PCDHGA2: variants seen among roughly 807,000 people sequenced by gnomAD.
The protein encoded by PCDHGA2 is protocadherin gamma subfamily A, 2.
PCDHGA2 carries 40 observed loss-of-function variants against 59.2 expected under a neutral mutation model. The ratio of observed to expected loss-of-function variants is 0.68; its 90% confidence interval spans 0.52 to 0.88. The LOEUF is 0.88. Ranked by LOEUF, PCDHGA2 falls within the 40% of genes least tolerant of loss-of-function variation. The probability of loss-of-function intolerance (pLI) is 0.00; values close to 1 mark genes in which losing one functional copy is unlikely to be tolerated. For synonymous variants in PCDHGA2, 560 were observed against 526.0 expected, an observed-to-expected ratio of 1.06 and a Z score of -0.89; for missense variants, 1,226 against 1,204.0, an observed-to-expected ratio of 1.02 and a Z score of -0.27.
At chr5:141,418,878 A>G (rs1193526475) in intron 1 of PCDHGA2, 2 of 1,613,930 alleles carry the variant, frequency 1.2e-6, no homozygotes, top group Non-Finnish European at 8.5e-7. Context: ...GTTGTAGACG[A>G]AAACGACAAC....
chr5:141,408,345 G>A (rs370026579), intron 1 of PCDHGA2: 3 of 1,613,812 alleles, frequency 1.9e-6, no homozygotes, highest in Non-Finnish European at 2.5e-6. Context: ...TCGGTGGTGG[G>A]GAACCTCGCT....
At chr5:141,374,919 A>G in intron 1 of PCDHGA2, 2 of 1,613,932 alleles carry the variant, frequency 1.2e-6, no homozygotes, top group Non-Finnish European at 1.7e-6. Flanking sequence ...GAAGTAACTT[A>G]TTCCTTTGTG....
chr5:141,361,369 C>G (rs768974376), intron 1 of PCDHGA2: 3 of 1,613,948 alleles, frequency 1.9e-6, no homozygotes, highest in African/African-American at 1.3e-5. Context: ...CGCTCTGGAC[C>G]GGGAGGAGAT....
At chr5:141,417,897 C>T (rs2096182334) in intron 1 of PCDHGA2, 1 of 1,578,084 alleles carries the variant, frequency 6.3e-7, no homozygotes, top group African/African-American at 1.4e-5. Context: ...CGGGCCGGCC[C>T]GCGGCAGGTA....
chr5:141,453,341 C>T (rs1327119655), intron 1 of PCDHGA2, among the ~76,000 whole-genome samples: 2 of 151,822 alleles, frequency 1.3e-5, no homozygotes, highest in East Asian at 3.9e-4. Context: ...CTATGTTTCC[C>T]CAGGCTGACC....
rs1272109802 is a variant in PCDHGA2 at position 141,403,110 on chromosome 5, C to G, written c.2424+61715C>G. The G allele has an allele frequency of 6.2e-7, 1 of 1,614,084 alleles. No individual in the cohort carries two copies. The highest frequency in any genetic ancestry group is 1.7e-5 in the Admixed American group (1 of 60,032). The stretch of plus-strand genomic sequence containing the variant: ...GTGGGCAACATCTCCAAGGACCTGG[C>G]TCTGGAGCCCCGGGAGCTGGCGGAG... On this transcript the variant is annotated intron_variant, in intron 1 of 3. Transcript: ENST00000394576.
At chr5:141,435,446 G>A (rs889481920) in intron 1 of PCDHGA2, among the ~76,000 whole-genome samples, 12 of 152,060 alleles carry the variant, frequency 7.9e-5, no homozygotes, top group Admixed American at 6.6e-4. Context: ...TCATTAATAC[G>A]ATATCTGTAT....
chr5:141,362,274 GC>G, intron 1 of PCDHGA2: 1 of 1,614,018 alleles, frequency 6.2e-7, no homozygotes. Context: ...CAATCTCCCT[GC>G]GCCTGCGACT....
chr5:141,374,719 T>C, intron 1 of PCDHGA2: 3 of 1,610,224 alleles, frequency 1.9e-6, no homozygotes, highest in Non-Finnish European at 1.7e-6. Flanking sequence ...GCCTGGTCCT[T>C]ACTGCCATGG....
In PCDHGA2 at chr5:141,489,522, C is replaced by T. The variant is rs371948070; in HGVS notation, c.2425-5285C>T. 2.5e-6 allele frequency: 4 copies of T among 1,614,088 alleles called. No individual in the cohort carries two copies. Among genetic ancestry groups the T allele is most frequent in the Non-Finnish European group, 3.4e-6 (4 of 1,180,036 alleles). On this transcript the variant is annotated intron_variant, in intron 1 of 3. Coordinates refer to ENST00000394576, the MANE Select transcript of PCDHGA2 (RefSeq NM_018915.4). The surrounding 1 kb of genome is among the most constrained non-coding windows in gnomAD (Gnocchi z 4.5). ...TGAATCAAAAGATTGACCGAGAAAG[C>T]CTATGTGGAGCCAGCACCAGCTGCC...
chr5:141,361,081 A>G, intron 1 of PCDHGA2: 1 of 1,613,948 alleles, frequency 6.2e-7, no homozygotes, highest in Non-Finnish European at 8.5e-7. Context: ...AAGTAGTTAC[A>G]CTCTGAGTAT....
chr5:141,423,693 G>A (rs114008539), intron 1 of PCDHGA2: 1 of 1,396,244 alleles, frequency 7.2e-7, no homozygotes, highest in Non-Finnish European at 9.4e-7. Flanking sequence ...CTAATTGTTG[G>A]TGTCTTGGCA....
At chr5:141,384,531 C>T (rs762355289) in intron 1 of PCDHGA2, 11 of 1,614,116 alleles carry the variant, frequency 6.8e-6, no homozygotes, top group African/African-American at 2.7e-5. Context: ...CTCTCAGCAG[C>T]AACATGTCAC....
intron 1 of PCDHGA2, chr5:141,423,389 A>G (rs568843632): frequency 2.5e-6 from 4 of 1,614,160 alleles, no homozygotes; most frequent in Admixed American, 1.7e-5. Flanking sequence ...TGGCGCTGGC[A>G]TAAGTCACGC....
chr5:141,398,325 G>A, intron 1 of PCDHGA2: 9 of 1,355,732 alleles, frequency 6.6e-6, no homozygotes, highest in Non-Finnish European at 8.2e-6. Flanking sequence ...CTCGAAAACT[G>A]CGCGTCAGTT....
intron 1 of PCDHGA2, chr5:141,357,255 C>A: frequency 6.2e-7 from 1 of 1,613,736 alleles, no homozygotes; most frequent in Non-Finnish European, 8.5e-7. Flanking sequence ...CAGACCCAGA[C>A]GACTCGGGCC....
At chr5:141,437,668 G>A (rs72790049) in intron 1 of PCDHGA2, among the ~76,000 whole-genome samples, 16,651 of 151,822 alleles carry the variant, frequency 0.11, 1,007 homozygotes, top group African/African-American at 0.17. Context: ...TCGAAGAGAT[G>A]TTGATCAAAC....
At chr5:141,372,522 G>A (rs759250494) in intron 1 of PCDHGA2, 17 of 1,613,986 alleles carry the variant, frequency 1.1e-5, no homozygotes, top group Non-Finnish European at 1.4e-5. Context: ...GGTGATTCTG[G>A]CAATCTCCCT....
intron 1 of PCDHGA2, among the ~76,000 whole-genome samples, chr5:141,444,462 C>T (rs1314366280): frequency 3.3e-5 from 5 of 152,002 alleles, no homozygotes; most frequent in African/African-American, 9.7e-5. Flanking sequence ...TGAGTCACTG[C>T]GCCCGGTCGC....
Sources: gnomAD v4.1 joint callset for allele counts (sites outside exome capture counted in the v4.1 genomes callset) on GRCh38, gnomAD v4.1.1 for gene constraint, Gnocchi (gnomAD v3.1) non-coding constraint, MANE v1.5 for transcripts, NCBI Gene and HGNC (gene_info 2026-07-23, HGNC 2026-07-21) for gene names.